Variants in PVT1 observed in about 807,000 individuals in gnomAD.
The protein encoded by PVT1 is Pvt1 oncogene, also known as CXCR4/PVT1 fusion.
intron 4 of PVT1, among the ~76,000 whole-genome samples, chr8:127,997,258 C>G (rs1345257545): frequency 1.3e-5 from 2 of 151,810 alleles, no homozygotes; most frequent in African/African-American, 4.8e-5. Context: ...TCAGGCTGGT[C>G]TCGAACTCCT....
chr8:127,918,468 C>T (rs1381919356), intron 3 of PVT1, among the ~76,000 whole-genome samples: 1 of 152,192 alleles, frequency 6.6e-6, no homozygotes, highest in Non-Finnish European at 1.5e-5. Flanking sequence ...TTACTACCAA[C>T]GACGATGGCT....
At chr8:127,951,973 G>A (rs1162965359) in intron 3 of PVT1, among the ~76,000 whole-genome samples, 2 of 151,892 alleles carry the variant, frequency 1.3e-5, no homozygotes, top group Admixed American at 6.6e-5. Context: ...ATGCCACCAC[G>A]CTCGACTAAT....
At chr8:128,057,316 A>G (rs1192589209) in intron 4 of PVT1, among the ~76,000 whole-genome samples, 1 of 152,246 alleles carries the variant, frequency 6.6e-6, no homozygotes, top group Non-Finnish European at 1.5e-5. Flanking sequence ...ATAATAGCTT[A>G]CAAAAGGGCA....
At chr8:127,825,910 G>A (rs994436148) in intron 2 of PVT1, among the ~76,000 whole-genome samples, 4 of 151,378 alleles carry the variant, frequency 2.6e-5, no homozygotes, top group Admixed American at 6.6e-5. Context: ...GAGTGCAGTC[G>A]CACAATCATG....
chr8:127,918,275 G>C (rs1329575695), intron 3 of PVT1, among the ~76,000 whole-genome samples: 1 of 152,174 alleles, frequency 6.6e-6, no homozygotes, highest in East Asian at 1.9e-4. Context: ...GATGTTCCTG[G>C]GGGTGTGGAA....
chr8:127,836,395 A>T (rs1438833812), intron 2 of PVT1, among the ~76,000 whole-genome samples: 4 of 152,174 alleles, frequency 2.6e-5, no homozygotes, highest in Non-Finnish European at 5.9e-5. Context: ...TGCACCTATC[A>T]ACCCATCACC....
chr8:128,042,634 A>C (rs34602305), intron 4 of PVT1, among the ~76,000 whole-genome samples: 4,283 of 152,160 alleles, frequency 0.028, 193 homozygotes, highest in African/African-American at 0.093. Flanking sequence ...AGGAATACTA[A>C]CTGGTAATGG....
chr8:128,065,854 A>C (rs977572818), intron 4 of PVT1, among the ~76,000 whole-genome samples: 16 of 152,230 alleles, frequency 1.1e-4, no homozygotes, highest in African/African-American at 3.9e-4. Flanking sequence ...TGCCCTGTGG[A>C]ACCTTTCGTT....
At chr8:127,926,552 C>T (rs1816132204) in intron 3 of PVT1, among the ~76,000 whole-genome samples, 1 of 152,168 alleles carries the variant, frequency 6.6e-6, no homozygotes, top group Non-Finnish European at 1.5e-5. Context: ...GGGTAAACTC[C>T]ATGGTGCGGT....
At chr8:127,870,218 G>T (rs1285531715) in intron 2 of PVT1, among the ~76,000 whole-genome samples, 1 of 152,210 alleles carries the variant, frequency 6.6e-6, no homozygotes, top group East Asian at 1.9e-4. Context: ...TAGGAAAGAA[G>T]GATTTGTAGA....
intron 4 of PVT1, among the ~76,000 whole-genome samples, chr8:128,021,460 A>AT (rs1437840942): frequency 4.0e-5 from 6 of 151,624 alleles, no homozygotes; most frequent in Non-Finnish European, 5.9e-5. Flanking sequence ...TGCCCGGTTA[A>AT]TTTTTTGTAT....
intron 3 of PVT1, among the ~76,000 whole-genome samples, chr8:127,988,250 C>T (rs546698588): frequency 6.6e-5 from 10 of 152,348 alleles, no homozygotes; most frequent in African/African-American, 2.4e-4. Context: ...CAGAACTTTT[C>T]AGCGTTCTTT....
intron 3 of PVT1, among the ~76,000 whole-genome samples, chr8:127,896,384 G>T (rs1815677228): frequency 6.6e-6 from 1 of 151,936 alleles, no homozygotes; most frequent in Non-Finnish European, 1.5e-5. Context: ...TGGGCTTTTG[G>T]TCCAGCAGGC....
chr8:128,015,645 C>T (rs1440508495), intron 4 of PVT1, among the ~76,000 whole-genome samples: 2 of 151,758 alleles, frequency 1.3e-5, no homozygotes, highest in Admixed American at 6.6e-5. Context: ...TGGTGGCATG[C>T]GCCTGTAGAT....
At chr8:127,976,809 A>G (rs572988492) in intron 3 of PVT1, among the ~76,000 whole-genome samples, 1 of 152,298 alleles carries the variant, frequency 6.6e-6, no homozygotes, top group Admixed American at 6.5e-5. Context: ...GTTCCAGCCC[A>G]GGTAGCTCAG....
intron 4 of PVT1, among the ~76,000 whole-genome samples, chr8:128,017,350 CCTGCAACAGCAAAAATT>C (rs1184849843): frequency 6.6e-6 from 1 of 152,176 alleles, no homozygotes; most frequent in Non-Finnish European, 1.5e-5. Context: ...TGGGAAGATT[CCTGCAACAGCAAAAATT>C]CTGCTGCCCG....
intron 4 of PVT1, chr8:128,049,279 C>T (rs1356505771): frequency 4.1e-6 from 2 of 493,214 alleles, no homozygotes; most frequent in East Asian, 5.7e-5. Flanking sequence ...GAGATGTTTG[C>T]GTCTTGGAGC....
chr8:127,968,651 A>G (rs1816729268), intron 3 of PVT1, among the ~76,000 whole-genome samples: 1 of 152,180 alleles, frequency 6.6e-6, no homozygotes. Flanking sequence ...TATCCCCTAA[A>G]TAGATATGTT....
intron 2 of PVT1, among the ~76,000 whole-genome samples, chr8:127,864,193 G>T (rs577394988): frequency 4.6e-5 from 7 of 152,286 alleles, no homozygotes; most frequent in Non-Finnish European, 8.8e-5. Context: ...GTTACGTGGG[G>T]TGAAGGGGTC....
Sources: allele counts gnomAD v4.1 joint callset (sites outside exome capture counted in the v4.1 genomes callset), GRCh38; gene constraint gnomAD v4.1.1; transcripts MANE v1.5; gene names NCBI Gene and HGNC (gene_info 2026-07-23, HGNC 2026-07-21).